NRXN3: variants seen among roughly 807,000 people sequenced by gnomAD.
NRXN3 encodes neurexin III.
Under a neutral mutation model 137.6 loss-of-function variants are expected in NRXN3, and 32 were observed. The ratio of observed to expected loss-of-function variants is 0.23; its 90% CI spans 0.18 to 0.31. The LOEUF (loss-of-function observed/expected upper bound fraction) is 0.31, where lower values mean the gene tolerates loss of function less well. Among genes scored for constraint, NRXN3 ranks in the 10% least tolerant of loss-of-function variants. NRXN3 has a pLI of 1.00. For missense variants in NRXN3, 1,574 were observed against 2,062.5 expected, an observed-to-expected ratio of 0.76 and a Z score of 4.59; for synonymous variants, 798 against 784.5, an observed-to-expected ratio of 1.02 and a Z score of -0.29.
chr14:79,695,183 C>T (rs543923560), intron 18 of NRXN3, among the ~76,000 whole-genome samples: 1 of 150,018 alleles, frequency 6.7e-6, no homozygotes, highest in East Asian at 2.0e-4. Context: ...GACTCATCAT[C>T]TCTAGCCAGT....
At chr14:78,621,419 T>C (rs138449691) in intron 4 of NRXN3, among the ~76,000 whole-genome samples, 249 of 152,338 alleles carry the variant, frequency 1.6e-3, no homozygotes, top group African/African-American at 5.7e-3. Context: ...ATCAAATCAG[T>C]AAATTACTAC....
chr14:79,503,348 A>G (rs577094151), intron 16 of NRXN3, among the ~76,000 whole-genome samples: 1 of 152,292 alleles, frequency 6.6e-6, no homozygotes, highest in Non-Finnish European at 1.5e-5. Flanking sequence ...TAGAATTTAC[A>G]GATCTTCTTG....
chr14:79,327,713 C>G (rs1006836982), intron 15 of NRXN3, among the ~76,000 whole-genome samples: 1 of 152,068 alleles, frequency 6.6e-6, no homozygotes, highest in South Asian at 2.1e-4. Context: ...ATGATTAATC[C>G]CATTTACCTT....
At chr14:79,133,414 C>T (rs2057824869) in intron 15 of NRXN3, among the ~76,000 whole-genome samples, 2 of 152,126 alleles carry the variant, frequency 1.3e-5, no homozygotes, top group African/African-American at 4.8e-5. Flanking sequence ...TCAAGGCTCT[C>T]TCTTGGTGGC....
intron 15 of NRXN3, among the ~76,000 whole-genome samples, chr14:79,098,464 C>A (rs747711655): frequency 6.6e-6 from 1 of 152,104 alleles, no homozygotes; most frequent in Non-Finnish European, 1.5e-5. Flanking sequence ...GGTAGTTTCC[C>A]AGGAAAGAAG....
intron 20 of NRXN3, among the ~76,000 whole-genome samples, chr14:79,843,962 T>C (rs760427975): frequency 1.3e-5 from 2 of 152,116 alleles, no homozygotes; most frequent in African/African-American, 2.4e-5. Flanking sequence ...TGTGTCCTCA[T>C]AGCTTATCTC....
Position 79,866,835 on chromosome 14 carries a change from C to T in NRXN3, c.*4871C>T, listed in dbSNP as rs762525997. On this transcript the variant is annotated 3_prime_UTR_variant, in exon 21 of 21. Transcript: ENST00000335750. ...AACTGACATATTGCTACAGAGGTTA[C>T]AAAAGCTGTAGTCAGAGGGCTTCAG... is the stretch of plus-strand genomic sequence containing the variant. 1.3e-5 allele frequency: 2 copies of T among 152,066 alleles called. No homozygotes were observed. Among genetic ancestry groups the T allele is most frequent in the Non-Finnish European group, 2.9e-5 (2 of 68,020 alleles). 9.4% of individuals were successfully genotyped at this position (152,066 alleles called of 1,614,324 possible).
At chr14:78,432,691 T>C (rs2093932363) in intron 4 of NRXN3, among the ~76,000 whole-genome samples, 1 of 152,208 alleles carries the variant, frequency 6.6e-6, no homozygotes, top group Non-Finnish European at 1.5e-5. Flanking sequence ...CTCACCTTCC[T>C]CTTGTCCTAA....
At chr14:79,442,366 T>G (rs1160636578) in intron 15 of NRXN3, among the ~76,000 whole-genome samples, 2 of 152,178 alleles carry the variant, frequency 1.3e-5, no homozygotes, top group Non-Finnish European at 2.9e-5. Flanking sequence ...GGGGAGTTTG[T>G]GCATATGATT....
At chr14:79,578,249 G>A (rs1395963516) in intron 16 of NRXN3, among the ~76,000 whole-genome samples, 2 of 152,204 alleles carry the variant, frequency 1.3e-5, no homozygotes, top group South Asian at 2.1e-4. Context: ...AGCTCCAGAT[G>A]TGTAGCTTCC....
chr14:78,320,215 A>T (rs1426850807), intron 4 of NRXN3, among the ~76,000 whole-genome samples: 1 of 152,240 alleles, frequency 6.6e-6, no homozygotes, highest in Non-Finnish European at 1.5e-5. Flanking sequence ...CAGGAGAGTC[A>T]GAGAGAACAC....
At position 78,380,307 on chromosome 14, in the gene NRXN3, C is replaced by CAAAA. The variant is rs34099445; in HGVS notation, c.757+82465_757+82468dup. ...TGGGCGACAGAGCGAGACTCCGTCT[C>CAAAA]AAAAAAAAAAAAAAAAAAAAAGATG... On this transcript the variant is annotated intron_variant, in intron 4 of 20. Transcript: ENST00000335750. Among the ~76,000 whole-genome samples the CAAAA allele has an allele frequency of 1.0e-3, 102 of 99,822 alleles. 2 individuals carry two copies. The highest frequency in any genetic ancestry group is 1.5e-3 in the East Asian group (5 of 3,442). 65.5% of individuals were successfully genotyped at this position (99,822 alleles called of 152,430 possible).
intron 15 of NRXN3, among the ~76,000 whole-genome samples, chr14:79,321,417 A>G (rs370639469): frequency 1.3e-5 from 2 of 152,208 alleles, no homozygotes; most frequent in African/African-American, 4.8e-5. Context: ...TGTAACTCAC[A>G]TCATTACAAT....
intron 16 of NRXN3, chr14:79,570,503 C>T (rs971658321): frequency 6.6e-6 from 1 of 152,188 alleles, no homozygotes; most frequent in Non-Finnish European, 1.5e-5. Flanking sequence ...AATATTCTCA[C>T]AGGCCTCGTT....
chr14:78,432,534 G>T (rs2093924691), intron 4 of NRXN3, among the ~76,000 whole-genome samples: 2 of 152,184 alleles, frequency 1.3e-5, no homozygotes, highest in African/African-American at 4.8e-5. Flanking sequence ...ATGTGCATGA[G>T]GAAGGAAATA....
chr14:78,204,965 A>G (rs10148342), intron 1 of NRXN3, among the ~76,000 whole-genome samples: 104,926 of 152,022 alleles, frequency 0.69, 36,437 homozygotes, highest in Middle Eastern at 0.75. Context: ...CTTCTAGGAG[A>G]CCAGAGTCAA....
At chr14:79,204,231 A>G (rs549028421) in intron 15 of NRXN3, among the ~76,000 whole-genome samples, 1 of 151,950 alleles carries the variant, frequency 6.6e-6, no homozygotes, top group East Asian at 2.0e-4. Context: ...TATTTTAGTT[A>G]CATTTATAAT....
intron 16 of NRXN3, among the ~76,000 whole-genome samples, chr14:79,547,821 A>C (rs1247339470): frequency 6.6e-6 from 1 of 152,126 alleles, no homozygotes; most frequent in Non-Finnish European, 1.5e-5. Flanking sequence ...TCGAGAACTA[A>C]TTGGAAAGAG....
At chr14:79,227,135 G>GA (rs202049194) in intron 15 of NRXN3, among the ~76,000 whole-genome samples, 4,162 of 151,354 alleles carry the variant, frequency 0.027, 139 homozygotes, top group South Asian at 0.085. Context: ...ATTTTAAAAT[G>GA]AAAAAATATA....
Sources: gnomAD v4.1 joint callset for allele counts (sites outside exome capture counted in the v4.1 genomes callset) on GRCh38, gnomAD v4.1.1 for gene constraint, MANE v1.5 for transcripts, NCBI Gene and HGNC (gene_info 2026-07-23, HGNC 2026-07-21) for gene names.